The following ZDHHC3 variants were observed in gnomAD, a reference collection of about 807,000 sequenced individuals.
The protein encoded by ZDHHC3 is palmitoyltransferase ZDHHC3.
A neutral mutation model predicts 30.6 loss-of-function variants in ZDHHC3; 9 were observed. The observed-to-expected ratio is 0.29, with a 90% CI of 0.18 to 0.51. The LOEUF is 0.51. ZDHHC3 is among the 20% of genes least tolerant of loss of function. ZDHHC3 has a pLI of 0.97. For missense variants in ZDHHC3, 246 were observed against 384.2 expected (o/e 0.64, Z 3.01); for synonymous variants, 136 against 140.2 (o/e 0.97, Z 0.21).
Position 44,916,163 on chromosome 3 carries a change from A to G in ZDHHC3, c.*10526T>C, listed in dbSNP as rs1477767036. ...TTTCTGGTTGCTCTGTTGATGTTAG[A>G]ATCCCACCATCACCCCTCTCGTGGG... On this transcript the variant is annotated 3_prime_UTR_variant, in exon 7 of 7. Transcript: ENST00000424952. The G allele has an allele frequency of 6.6e-6, 1 of 152,220 alleles. No homozygotes were observed. Among genetic ancestry groups the G allele is most frequent in the African/African-American group, 2.4e-5 (1 of 41,424 alleles). 9.4% of individuals were successfully genotyped at this position (152,220 alleles called of 1,614,324 possible).
Position 44,976,112 on chromosome 3 carries a change from G to A in ZDHHC3, c.-204C>T, listed in dbSNP as rs903417108. On this transcript the variant is annotated 5_prime_UTR_variant, in exon 1 of 7. Coordinates refer to ENST00000424952, the MANE Select transcript of ZDHHC3 (RefSeq NM_001135179.2). ...AGACACCGGGCGGCGCGCAGGAGAA[G>A]CCCATCGAGCTCTCCCGGCAGTGGC... 7 of 482,670 alleles carry A rather than the reference G, an allele frequency of 1.5e-5. No homozygotes were observed. In the Admixed American group the frequency reaches 2.2e-4, roughly 15 times the overall value. 29.9% of individuals were successfully genotyped at this position (482,670 alleles called of 1,614,324 possible).
intron 2 of ZDHHC3, among the ~76,000 whole-genome samples, chr3:44,946,690 G>A (rs1483183878): frequency 6.6e-6 from 1 of 152,192 alleles, no homozygotes; most frequent in Admixed American, 6.5e-5. Context: ...ACCTGTGGGA[G>A]AAAAGGGATT....
chr3:44,923,707 G>T lies in ZDHHC3; in HGVS notation c.*2982C>A. 1 of 825,526 alleles carries T rather than the reference G, an allele frequency of 1.2e-6. No homozygotes were observed. Among genetic ancestry groups the T allele is most frequent in the Non-Finnish European group, 1.5e-6 (1 of 684,334 alleles). The allele number at this position is 825,526 out of a possible 1,614,324, so 51.1% of individuals were successfully genotyped here. ...AGCCCTGGATATTCAGGAGGCCAAGGCACAAGAATCACTTGAGCCCAGGAG... is the reference window on the plus strand; with the variant it reads ...AGCCCTGGATATTCAGGAGGCCAAGTCACAAGAATCACTTGAGCCCAGGAG... On this transcript the variant is annotated 3_prime_UTR_variant, in exon 7 of 7. Transcript: ENST00000424952.
In ZDHHC3 at chr3:44,959,267, T is replaced by A; in HGVS notation, c.170A>T (p.Tyr57Phe). The A allele has an allele frequency of 6.2e-7, 1 of 1,614,144 alleles. No homozygotes were observed. The highest frequency in any genetic ancestry group is 8.5e-7 in the Non-Finnish European group (1 of 1,180,024). Residue 57 changes from tyrosine to phenylalanine, a missense_variant, in exon 2 of 7, where the codon TAT becomes TTT. Transcript: ENST00000424952. This position sits in a 1 kb window ranked among gnomAD's most constrained non-coding sequence, Gnocchi z 4.3. Reference sequence around the variant, plus strand: ...GACAAAGAGGACCACGAACTCCGCATAGAGGACCAGAAACCAGGTAACGAT... The same window carrying A: ...GACAAAGAGGACCACGAACTCCGCAAAGAGGACCAGAAACCAGGTAACGAT... ...CAIVTWFLVL[Y>F]AEFVVLFVML... is the part of the protein sequence containing the mutation.
chr3:44,958,216 G>A (rs1337259132), intron 2 of ZDHHC3, among the ~76,000 whole-genome samples: 1 of 152,150 alleles, frequency 6.6e-6, no homozygotes. Context: ...TTTCCTTTGG[G>A]ATGGATTAAT....
At chr3:44,929,156 A>G (rs1290707842) in intron 6 of ZDHHC3, 150 bp downstream of exon 6, 3 of 1,049,996 alleles carry the variant, frequency 2.9e-6, no homozygotes, top group Non-Finnish European at 4.1e-6. Context: ...AGATGACCCA[A>G]GTGTAACTGC....
chr3:44,969,493 C>T (rs1705231124), intron 1 of ZDHHC3: 2 of 152,270 alleles, frequency 1.3e-5, no homozygotes, highest in African/African-American at 4.8e-5. Context: ...AAAGTCTGCT[C>T]TTGCCCCAGG....
intron 1 of ZDHHC3, among the ~76,000 whole-genome samples, chr3:44,968,650 T>C (rs1281584751): frequency 6.6e-6 from 1 of 152,162 alleles, no homozygotes; most frequent in Non-Finnish European, 1.5e-5. Flanking sequence ...GAGATAAGAT[T>C]GCACCACTGC....
intron 2 of ZDHHC3, among the ~76,000 whole-genome samples, chr3:44,955,285 TC>T (rs1207674167): frequency 6.6e-6 from 1 of 152,028 alleles, no homozygotes; most frequent in Non-Finnish European, 1.5e-5. Context: ...ATTTCCCACT[TC>T]CCTTTTCTTT....
chr3:44,917,861 T>C lies in ZDHHC3; in HGVS notation c.*8828A>G, dbSNP rs1700292089. 7.7e-7 allele frequency: 1 copy of C among 1,292,258 alleles called. No individual in the cohort carries two copies. Among genetic ancestry groups the C allele is most frequent in the Admixed American group, 2.3e-5 (1 of 43,500 alleles). The allele number at this position is 1,292,258 out of a possible 1,614,324, so 80.0% of individuals were successfully genotyped here. On this transcript the variant is annotated 3_prime_UTR_variant, in exon 7 of 7. Transcript: ENST00000424952. The stretch of plus-strand genomic sequence containing the variant: ...ACCCCAGGATGAAGGTTGACAGCAC[T>C]TTTTAGTGTTTGCTTCTCTCCCCAC...
rs1307872224 is a variant in ZDHHC3 at position 44,959,806 on chromosome 3, G to T, written c.-24-346C>A. ...GGGTCTCACTCTGTCATTCAGGCTG[G>T]AGTGCAGTGGCACCGTCTTAGGTCA... On this transcript the variant is annotated intron_variant, in intron 1 of 6. Transcript: ENST00000424952. The surrounding 1 kb of genome is among the most constrained non-coding windows in gnomAD (Gnocchi z 4.3). Among the ~76,000 whole-genome samples the T allele has an allele frequency of 6.6e-6, 1 of 152,072 alleles. No individual in the cohort carries two copies. The highest frequency in any genetic ancestry group is 1.9e-4 in the East Asian group (1 of 5,188).
intron 5 of ZDHHC3, among the ~76,000 whole-genome samples, chr3:44,929,997 C>T (rs1701350476): frequency 6.6e-6 from 1 of 152,224 alleles, no homozygotes; most frequent in Non-Finnish European, 1.5e-5. Flanking sequence ...TCAGCCTTGA[C>T]CACAGTGTGA....
intron 5 of ZDHHC3, among the ~76,000 whole-genome samples, chr3:44,930,579 T>C (rs765194763): frequency 6.6e-6 from 1 of 152,188 alleles, no homozygotes; most frequent in Non-Finnish European, 1.5e-5. Context: ...GAGTAAGCAC[T>C]CCATCCAAGC....
chr3:44,949,559 C>T lies in ZDHHC3; in HGVS notation c.307-4267G>A, dbSNP rs181127421. Reference sequence around the variant, plus strand: ...GAGGAAATGATCCATTAAAAACAAGCAAAACAAAAACAAAAACAAAAACTT... The same window carrying T: ...GAGGAAATGATCCATTAAAAACAAGTAAAACAAAAACAAAAACAAAAACTT... On this transcript the variant is annotated intron_variant, in intron 2 of 6. Coordinates refer to ENST00000424952, the MANE Select transcript of ZDHHC3 (RefSeq NM_001135179.2). Among the ~76,000 whole-genome samples, 44 of 152,210 alleles carry T rather than the reference C, an allele frequency of 2.9e-4. No individual in the cohort carries two copies. The South Asian group carries it at 2.9e-3, about 10-fold the overall frequency.
intron 6 of ZDHHC3, 28 bp from the exon 7 acceptor site, chr3:44,926,875 G>A: frequency 6.3e-7 from 1 of 1,584,228 alleles, no homozygotes; most frequent in Non-Finnish European, 8.6e-7. Context: ...CATACTTTCA[G>A]TCAAGCACTG....
At position 44,918,499 on chromosome 3, in the gene ZDHHC3, G is replaced by T. The variant is rs1700364875; in HGVS notation, c.*8190C>A. The stretch of plus-strand genomic sequence containing the variant: ...CTGATGAGTGGCTGAGGCATAAGGG[G>T]GACCACACATCCTCTGAGGCCACTA... On this transcript the variant is annotated 3_prime_UTR_variant, in exon 7 of 7. Transcript: ENST00000424952. 1 of 985,294 alleles carries T rather than the reference G, an allele frequency of 1.0e-6. No homozygotes were observed. Among genetic ancestry groups the T allele is most frequent in the South Asian group, 4.7e-5 (1 of 21,288 alleles). The allele number at this position is 985,294 out of a possible 1,614,324, so 61.0% of individuals were successfully genotyped here.
chr3:44,934,233 G>A (rs1003277532), intron 3 of ZDHHC3, among the ~76,000 whole-genome samples: 10 of 152,108 alleles, frequency 6.6e-5, no homozygotes, highest in African/African-American at 2.4e-4. Context: ...ACATAGGACG[G>A]AACTGACATG....
Position 44,924,312 on chromosome 3 carries a change from C to G in ZDHHC3, c.*2377G>C, listed in dbSNP as rs1700819784. The G allele has an allele frequency of 2.6e-5, 26 of 985,302 alleles. No homozygotes were observed. The highest frequency in any genetic ancestry group is 3.1e-5 in the Non-Finnish European group (26 of 829,940). 61.0% of individuals were successfully genotyped at this position (985,302 alleles called of 1,614,324 possible). A position where few individuals can be genotyped will look rare whatever the true frequency, so the allele number is the denominator to read the frequency against. ...CTACCCTGCAAATGATGGCTACATT[C>G]CTCAGTCATTGTGCTCTTGGCAAAA... On this transcript the variant is annotated 3_prime_UTR_variant, in exon 7 of 7. Coordinates refer to ENST00000424952, the MANE Select transcript of ZDHHC3 (RefSeq NM_001135179.2).
At chr3:44,941,460 T>C (rs1702433298) in intron 3 of ZDHHC3, among the ~76,000 whole-genome samples, 1 of 152,188 alleles carries the variant, frequency 6.6e-6, no homozygotes, top group African/African-American at 2.4e-5. Flanking sequence ...CAAAAATGTA[T>C]GCAAAATGCT....
Sources: allele counts gnomAD v4.1 joint callset (sites outside exome capture counted in the v4.1 genomes callset), GRCh38; gene constraint gnomAD v4.1.1; non-coding constraint Gnocchi (gnomAD v3.1); transcripts MANE v1.5; gene names NCBI Gene and HGNC (gene_info 2026-07-23, HGNC 2026-07-21).